The following GRID1 variants were observed in gnomAD, a reference collection of about 807,000 sequenced individuals.
The protein encoded by GRID1 is glutamate ionotropic receptor delta type subunit 1, also known as glutamate receptor ionotropic, delta-1.
A neutral mutation model predicts 98.0 loss-of-function variants in GRID1; 28 were observed. That is an observed-to-expected ratio of 0.29 (90% CI 0.21 to 0.39). GRID1 has a LOEUF of 0.39. Ranked by LOEUF, GRID1 falls within the 10% of genes least tolerant of loss-of-function variation. The pLI, the probability that GRID1 is intolerant of heterozygous loss-of-function variation, is 1.00. For synonymous variants in GRID1, 553 were observed against 538.5 expected (o/e 1.03, Z -0.37); for missense variants, 1,111 against 1,340.5 (o/e 0.83, Z 2.67).
intron 8 of GRID1, among the ~76,000 whole-genome samples, chr10:85,850,740 T>A (rs1265851788): frequency 6.6e-6 from 1 of 152,208 alleles, no homozygotes; most frequent in Non-Finnish European, 1.5e-5. Flanking sequence ...ATGCTCTCAC[T>A]GCCAAGTGCT....
At chr10:85,989,717 G>T (rs1320022186) in intron 4 of GRID1, among the ~76,000 whole-genome samples, 3 of 152,168 alleles carry the variant, frequency 2.0e-5, no homozygotes, top group Admixed American at 2.0e-4. Flanking sequence ...CACGAAATCT[G>T]TCCCTGGTGC....
chr10:85,916,324 A>C lies in GRID1; in HGVS notation c.727-85T>G. Reference sequence around the variant, plus strand: ...ATGATTGCCGAGACAGAGTTTTATAAACATTGTTCTTGGAGAATATTTTCC... The same window carrying C: ...ATGATTGCCGAGACAGAGTTTTATACACATTGTTCTTGGAGAATATTTTCC... On this transcript the variant is annotated intron_variant, in intron 4 of 15. Transcript: ENST00000327946. The surrounding 1 kb of genome is among the most constrained non-coding windows in gnomAD (Gnocchi z 4.0). 9.7e-7 allele frequency: 1 copy of C among 1,029,016 alleles called. No homozygotes were observed. Among genetic ancestry groups the C allele is most frequent in the Non-Finnish European group, 1.5e-6 (1 of 656,984 alleles). The allele number at this position is 1,029,016 out of a possible 1,614,324, so 63.7% of individuals were successfully genotyped here. A position where few individuals can be genotyped will look rare whatever the true frequency, so the allele number is the denominator to read the frequency against.
intron 3 of GRID1, among the ~76,000 whole-genome samples, chr10:86,198,713 C>G (rs982196187): frequency 2.6e-5 from 4 of 152,144 alleles, no homozygotes; most frequent in African/African-American, 9.6e-5. Flanking sequence ...GCTCTGGAGC[C>G]CATGCCCCTA....
At chr10:85,732,992 T>C (rs749306285) in intron 8 of GRID1, among the ~76,000 whole-genome samples, 2 of 152,198 alleles carry the variant, frequency 1.3e-5, no homozygotes, top group African/African-American at 2.4e-5. Context: ...TGGTAAACTC[T>C]TACTTGTTTG....
chr10:85,904,868 A>G (rs895519009), intron 5 of GRID1, among the ~76,000 whole-genome samples: 3 of 152,162 alleles, frequency 2.0e-5, no homozygotes, highest in African/African-American at 7.2e-5. Context: ...TAACTTCACA[A>G]AAACCTAGTA....
At chr10:85,985,353 C>T (rs1368918611) in intron 4 of GRID1, among the ~76,000 whole-genome samples, 1 of 152,194 alleles carries the variant, frequency 6.6e-6, no homozygotes, top group Non-Finnish European at 1.5e-5. Flanking sequence ...AACTCTATTT[C>T]CTGATGCAAA....
At chr10:85,719,171 C>A (rs1042506181) in intron 12 of GRID1, among the ~76,000 whole-genome samples, 1 of 152,156 alleles carries the variant, frequency 6.6e-6, no homozygotes, top group East Asian at 1.9e-4. Context: ...ACCACCTCAG[C>A]CTGGACCTTA....
intron 8 of GRID1, among the ~76,000 whole-genome samples, chr10:85,831,987 A>G (rs1020493848): frequency 2.0e-5 from 3 of 152,060 alleles, no homozygotes; most frequent in African/African-American, 7.2e-5. Flanking sequence ...ACAAAGTAAT[A>G]AGGCCAAAAT....
intron 8 of GRID1, among the ~76,000 whole-genome samples, chr10:85,819,343 C>T (rs1842742025): frequency 1.3e-5 from 2 of 152,182 alleles, no homozygotes; most frequent in Non-Finnish European, 2.9e-5. Context: ...TTGACAAGTA[C>T]CCACAACTTT....
intron 2 of GRID1, among the ~76,000 whole-genome samples, chr10:86,244,778 C>T (rs34056851): frequency 1.3e-5 from 2 of 152,236 alleles, no homozygotes; most frequent in Non-Finnish European, 2.9e-5. Flanking sequence ...TTCTGAGAGC[C>T]TAAGCTGAGC....
At chr10:85,763,008 A>G (rs916246730) in intron 8 of GRID1, among the ~76,000 whole-genome samples, 1 of 152,208 alleles carries the variant, frequency 6.6e-6, no homozygotes, top group African/African-American at 2.4e-5. Flanking sequence ...GCAGCAGAGC[A>G]CAGCATCCAG....
chr10:86,295,292 T>G (rs1314527143), intron 2 of GRID1, among the ~76,000 whole-genome samples: 1 of 151,858 alleles, frequency 6.6e-6, no homozygotes, highest in African/African-American at 2.4e-5. Context: ...GAAGGAAACT[T>G]GATGATGAAG....
intron 2 of GRID1, among the ~76,000 whole-genome samples, chr10:86,244,858 T>C (rs939391003): frequency 2.0e-5 from 3 of 152,256 alleles, no homozygotes; most frequent in African/African-American, 7.2e-5. Context: ...GTATCTTTCA[T>C]CCCCTAATTA....
In GRID1 at chr10:86,041,669, C is replaced by T. The variant is rs192411548; in HGVS notation, c.726+97150G>A. 3.3e-5 allele frequency among the ~76,000 whole-genome samples: 5 copies of T among 152,278 alleles called. No individual in the cohort carries two copies. In the East Asian group the frequency reaches 5.8e-4, roughly 18 times the overall value. On this transcript the variant is annotated intron_variant, in intron 4 of 15. Coordinates refer to ENST00000327946, the MANE Select transcript of GRID1 (RefSeq NM_017551.3). ...GACAGGTCCCCTGACCATCAAGCCT[C>T]GGTTTCCTAATCTGTAAAATCTGTT...
chr10:85,751,053 G>A (rs1392431332), intron 8 of GRID1, among the ~76,000 whole-genome samples: 1 of 152,190 alleles, frequency 6.6e-6, no homozygotes, highest in Non-Finnish European at 1.5e-5. Flanking sequence ...TGGATAGGTG[G>A]GCCCAGAGGG....
chr10:86,146,341 T>C (rs577549474), intron 3 of GRID1, among the ~76,000 whole-genome samples: 1 of 152,316 alleles, frequency 6.6e-6, no homozygotes, highest in South Asian at 2.1e-4. Flanking sequence ...TTTGAATTTC[T>C]TCCCAGATGT....
intron 2 of GRID1, among the ~76,000 whole-genome samples, chr10:86,281,270 T>A (rs933430505): frequency 6.6e-6 from 1 of 152,172 alleles, no homozygotes; most frequent in African/African-American, 2.4e-5. Flanking sequence ...GGGAAAGGCA[T>A]CTTTCATTTA....
intron 2 of GRID1, among the ~76,000 whole-genome samples, chr10:86,277,739 CA>C (rs892365798): frequency 1.3e-5 from 2 of 150,376 alleles, no homozygotes; most frequent in African/African-American, 2.4e-5. Context: ...GTTTCACTAC[CA>C]AAAAAAATCA....
intron 3 of GRID1, among the ~76,000 whole-genome samples, chr10:86,160,821 A>G (rs572309161): frequency 6.6e-6 from 1 of 152,376 alleles, no homozygotes; most frequent in African/African-American, 2.4e-5. Flanking sequence ...CACAGGGTAT[A>G]AGCGGTAAAG....
Sources: gnomAD v4.1 joint callset for allele counts (sites outside exome capture counted in the v4.1 genomes callset) on GRCh38, gnomAD v4.1.1 for gene constraint, Gnocchi (gnomAD v3.1) non-coding constraint, MANE v1.5 for transcripts, NCBI Gene and HGNC (gene_info 2026-07-23, HGNC 2026-07-21) for gene names.